SYCP2: variants seen among roughly 807,000 people sequenced by gnomAD.
SYCP2 encodes synaptonemal complex lateral element protein.
A neutral mutation model predicts 211.3 loss-of-function variants in SYCP2; 55 were observed. That is an observed-to-expected ratio of 0.26 (90% CI 0.21 to 0.33). The LOEUF (loss-of-function observed/expected upper bound fraction) is 0.33, where lower values mean the gene tolerates loss of function less well. SYCP2 is among the 10% of genes least tolerant of loss of function. The probability of loss-of-function intolerance (pLI) is 1.00; values close to 1 mark genes in which losing one functional copy is unlikely to be tolerated. For synonymous variants in SYCP2, 570 were observed against 555.2 expected (o/e 1.03, Z -0.37); for missense variants, 1,731 against 1,752.0 (o/e 0.99, Z 0.21).
chr20:59,873,975 G>C lies in SYCP2; in HGVS notation c.3436C>G (p.Leu1146Val), dbSNP rs143026660. The C allele has an allele frequency of 6.2e-7, 1 of 1,613,168 alleles. No homozygotes were observed. Among genetic ancestry groups the C allele is most frequent in the South Asian group, 1.1e-5 (1 of 91,006 alleles). ...SISPYPKTSS[L>V]ESLNSNSGVG... ...CCACTGTTACTATTTAAGGATTCAA[G>C]TGATGAAGTTTTTGGATAAGGTGAT... is the stretch of plus-strand genomic sequence containing the variant. Residue 1146 changes from leucine to valine, a missense_variant, in exon 35 of 45, where the codon CTT (leucine) becomes GTT (valine). By Grantham distance (32) the Leu-to-Val change is conservative. Coordinates refer to ENST00000357552, the MANE Select transcript of SYCP2 (RefSeq NM_014258.4).
chr20:59,877,966 A>T, intron 32 of SYCP2, 42 bp downstream of exon 32: 1 of 1,497,206 alleles, frequency 6.7e-7, no homozygotes, highest in Non-Finnish European at 9.1e-7. Context: ...GCAAGAAAAA[A>T]TAATTTTAAA....
chr20:59,869,124 T>C (rs1363286501), intron 36 of SYCP2, among the ~76,000 whole-genome samples, 199 bp from the exon 37 acceptor site: 1 of 151,824 alleles, frequency 6.6e-6, no homozygotes, highest in Non-Finnish European at 1.5e-5. Context: ...CTTCTTGTAA[T>C]AGCTGTGATG....
At chr20:59,894,139 C>G (rs2059961534) in intron 20 of SYCP2, among the ~76,000 whole-genome samples, 1 of 151,960 alleles carries the variant, frequency 6.6e-6, no homozygotes, top group Non-Finnish European at 1.5e-5. Context: ...AGATCAAATA[C>G]AAATCTGCCA....
intron 24 of SYCP2, among the ~76,000 whole-genome samples, 192 bp downstream of exon 24, chr20:59,891,798 T>C (rs2059911747): frequency 6.6e-6 from 1 of 151,974 alleles, no homozygotes; most frequent in Admixed American, 6.6e-5. Context: ...ATGTCTGATA[T>C]GCACCTAGTA....
chr20:59,915,905 G>A (rs907068812), intron 8 of SYCP2, among the ~76,000 whole-genome samples: 4 of 151,966 alleles, frequency 2.6e-5, no homozygotes, highest in Admixed American at 6.6e-5. Flanking sequence ...GGCAGGAGAA[G>A]CGCTTGAACC....
At chr20:59,897,714 T>C (rs1459411360) in intron 18 of SYCP2, among the ~76,000 whole-genome samples, 1 of 152,134 alleles carries the variant, frequency 6.6e-6, no homozygotes, top group Non-Finnish European at 1.5e-5. Context: ...TATATGGAAG[T>C]GCCTGTGAGA....
In SYCP2 at chr20:59,893,148, T is replaced by C; in HGVS notation, c.1787A>G (p.His596Arg). Residue 596 changes from histidine to arginine, a missense_variant, in exon 22 of 45, where the codon CAT (histidine) becomes CGT (arginine). By Grantham distance (29) the His-to-Arg change is conservative. Transcript: ENST00000357552. ...PDSQAAEKRD[H>R]TILPGVLDNI... ...ATGGTTTTCTCATACTTACATAGTA[T>C]GATCTCTTTTTTCCGCTGCCTGTGA... 3 of 1,599,578 alleles carry C rather than the reference T, an allele frequency of 1.9e-6. No homozygotes were observed. The highest frequency in any genetic ancestry group is 2.7e-5 in the African/African-American group (2 of 74,618).
chr20:59,915,576 T>C, intron 8 of SYCP2, 26 bp from the exon 9 acceptor site: 1 of 1,350,992 alleles, frequency 7.4e-7, no homozygotes, highest in South Asian at 1.2e-5. Flanking sequence ...AGATAATGCA[T>C]TAACTTTACA....
In SYCP2 at chr20:59,906,139, A is replaced by G. The variant is rs537758918; in HGVS notation, c.1033+1225T>C. 5.3e-5 allele frequency among the ~76,000 whole-genome samples: 8 copies of G among 152,258 alleles called. No individual in the cohort carries two copies. The East Asian group carries it at 1.2e-3, about 22-fold the overall frequency. On this transcript the variant is annotated intron_variant, in intron 15 of 44. Transcript: ENST00000357552. The stretch of plus-strand genomic sequence containing the variant: ...AACTAGTTATGACTGTTAACATGTT[A>G]TTTCTCCCCATATTGATCTAAAACC...
At chr20:59,920,630 T>C (rs994812828) in intron 4 of SYCP2, 143 bp from the exon 5 acceptor site, 3 of 688,080 alleles carry the variant, frequency 4.4e-6, no homozygotes, top group Non-Finnish European at 7.1e-6. Flanking sequence ...TTGCAACAGA[T>C]GAAAATGTGG....
At chr20:59,881,769 A>T (rs1163815221) in intron 28 of SYCP2, among the ~76,000 whole-genome samples, 176 bp downstream of exon 28, 1 of 145,106 alleles carries the variant, frequency 6.9e-6, no homozygotes, top group Non-Finnish European at 1.6e-5. Flanking sequence ...AAAAATTTAA[A>T]AAAAAAAAAA....
At chr20:59,926,267 C>A (rs113099462) in intron 2 of SYCP2, among the ~76,000 whole-genome samples, 58 of 152,164 alleles carry the variant, frequency 3.8e-4, no homozygotes, top group African/African-American at 1.3e-3. Flanking sequence ...GTGCCACAAA[C>A]TGGATGGCTT....
intron 44 of SYCP2, among the ~76,000 whole-genome samples, chr20:59,865,093 A>C (rs568844021): frequency 5.9e-5 from 9 of 152,082 alleles, no homozygotes; most frequent in Non-Finnish European, 1.3e-4. Context: ...ACAGCAGGAC[A>C]GACGCCTGCT....
In SYCP2 at chr20:59,932,131, A is replaced by G. The variant is rs768048616; in HGVS notation, c.-116T>C. 6 of 152,208 alleles carry G rather than the reference A, an allele frequency of 3.9e-5. No homozygotes were observed. Among genetic ancestry groups the G allele is most frequent in the Non-Finnish European group, 5.9e-5 (4 of 68,032 alleles). 9.4% of individuals were successfully genotyped at this position (152,208 alleles called of 1,614,324 possible). ...GACTGGTTAGCGAGCAACACAGAGA[A>G]CTAGTAAGATGATGATTGTGTATCT... On this transcript the variant is annotated 5_prime_UTR_variant, in exon 2 of 45. Transcript: ENST00000357552.
At chr20:59,921,262 G>T in intron 4 of SYCP2, 48 bp downstream of exon 4, 1 of 1,520,396 alleles carries the variant, frequency 6.6e-7, no homozygotes, top group Non-Finnish European at 8.9e-7. Context: ...TAAAACTAGA[G>T]TTCTATCTAA....
intron 30 of SYCP2, 119 bp downstream of exon 30, chr20:59,880,847 G>A: frequency 3.9e-6 from 2 of 514,450 alleles, no homozygotes; most frequent in South Asian, 3.5e-5. Flanking sequence ...TAGGAAGGTG[G>A]ATAGTTGCAT....
At chr20:59,897,856 G>A (rs2060039953) in intron 18 of SYCP2, among the ~76,000 whole-genome samples, 1 of 152,044 alleles carries the variant, frequency 6.6e-6, no homozygotes, top group Non-Finnish European at 1.5e-5. Context: ...GGCCGAGAAG[G>A]GCAGATCACC....
At chr20:59,880,518 A>G (rs1362783560) in intron 30 of SYCP2, 47 bp from the exon 31 acceptor site, 7 of 1,160,724 alleles carry the variant, frequency 6.0e-6, no homozygotes, top group African/African-American at 1.6e-5. Context: ...ACATCTCATT[A>G]TGTCATGCAA....
At chr20:59,915,949 G>A (rs554093811) in intron 8 of SYCP2, among the ~76,000 whole-genome samples, 24 of 152,064 alleles carry the variant, frequency 1.6e-4, no homozygotes, top group African/African-American at 3.6e-4. Flanking sequence ...CTGAGATTGC[G>A]CCACTGCACT....
Sources: gnomAD v4.1 joint callset for allele counts (sites outside exome capture counted in the v4.1 genomes callset) on GRCh38, gnomAD v4.1.1 for gene constraint, MANE v1.5 for transcripts, NCBI Gene and HGNC (gene_info 2026-07-23, HGNC 2026-07-21) for gene names.